The following ARHGEF10L variants were observed in gnomAD, a reference collection of about 807,000 sequenced individuals.
The protein encoded by ARHGEF10L is Rho guanine nucleotide exchange factor 10 like, also known as rho guanine nucleotide exchange factor 10-like protein.
A neutral mutation model predicts 141.2 loss-of-function variants in ARHGEF10L; 69 were observed. That is an observed-to-expected ratio of 0.49 (90% CI 0.40 to 0.60). The LOEUF (loss-of-function observed/expected upper bound fraction) is 0.60. Ranked by LOEUF, ARHGEF10L falls within the 20% of genes least tolerant of loss-of-function variation. ARHGEF10L has a pLI of 0.00. For synonymous variants in ARHGEF10L, 711 were observed against 718.5 expected (o/e 0.99, Z 0.17); for missense variants, 1,482 against 1,734.3 (o/e 0.85, Z 2.58).
chr1:17,588,326 C>T (rs1279610393), intron 3 of ARHGEF10L, 120 bp from the exon 4 acceptor site: 26 of 1,104,544 alleles, frequency 2.4e-5, no homozygotes, highest in Non-Finnish European at 3.1e-5. Flanking sequence ...AGCAGGCACC[C>T]AGACTGGCCA....
chr1:17,556,289 A>T (rs1024847936), intron 1 of ARHGEF10L, among the ~76,000 whole-genome samples: 1 of 16,148 alleles, frequency 6.2e-5, no homozygotes, highest in Admixed American at 8.6e-4. Context: ...GGGGCCTGGG[A>T]GCACAGGGCG....
At chr1:17,596,549 C>T (rs936171910) in intron 4 of ARHGEF10L, among the ~76,000 whole-genome samples, 20 of 152,194 alleles carry the variant, frequency 1.3e-4, no homozygotes, top group African/African-American at 4.6e-4. Flanking sequence ...TGGCAAGGGC[C>T]CCAGAATGCT....
chr1:17,674,993 C>T (rs74361419), intron 26 of ARHGEF10L, among the ~76,000 whole-genome samples: 282 of 152,224 alleles, frequency 1.9e-3, no homozygotes, highest in Non-Finnish European at 3.4e-3. Context: ...TTATTCCTGT[C>T]GTTAAGCAAC....
chr1:17,638,851 C>G (rs558478062), intron 20 of ARHGEF10L, among the ~76,000 whole-genome samples, 162 bp downstream of exon 20: 1 of 152,142 alleles, frequency 6.6e-6, no homozygotes, highest in Non-Finnish European at 1.5e-5. Context: ...GCATCTGGCA[C>G]GCAGTAGGTG....
In ARHGEF10L at chr1:17,610,461, C is replaced by G. The variant is rs148632576; in HGVS notation, c.609+2484C>G. 3.9e-3 allele frequency among the ~76,000 whole-genome samples: 590 copies of G among 152,344 alleles called. 4 individuals are homozygous for G. Among genetic ancestry groups the G allele is most frequent in the African/African-American group, 0.014 (572 of 41,580 alleles). On this transcript the variant is annotated intron_variant, in intron 7 of 28. Coordinates refer to ENST00000361221, the MANE Select transcript of ARHGEF10L (RefSeq NM_018125.4). ...ATTTCTAACCACTTGGAGTTTTTCT[C>G]TGGCCGTGGCCAAGGCCCACCTGCT...
At position 17,639,840 on chromosome 1, in the gene ARHGEF10L, G is replaced by A; in HGVS notation, c.2172-362G>A. ...CCCATTCCTCCCTCTAGAGGCACGT[G>A]GTCAGACATGTAAGGTGTCTAAGAC... is the stretch of plus-strand genomic sequence containing the variant. On this transcript the variant is annotated intron_variant, in intron 20 of 28. Transcript: ENST00000361221. This position sits in a 1 kb window ranked among gnomAD's most constrained non-coding sequence, Gnocchi z 4.3. 3 of 1,350,472 alleles carry A rather than the reference G, an allele frequency of 2.2e-6. No individual in the cohort carries two copies. Among genetic ancestry groups the A allele is most frequent in the Non-Finnish European group, 1.9e-6 (2 of 1,028,968 alleles). 83.7% of individuals were successfully genotyped at this position (1,350,472 alleles called of 1,614,324 possible).
At chr1:17,569,177 A>G (rs1473459063) in intron 1 of ARHGEF10L, among the ~76,000 whole-genome samples, 1 of 152,160 alleles carries the variant, frequency 6.6e-6, no homozygotes, top group African/African-American at 2.4e-5. Flanking sequence ...CTGCCCCTGG[A>G]GGAACTGGTG....
At chr1:17,518,818 A>G in the ARHGEF10L span, among the ~76,000 whole-genome samples, 112 of 117,536 alleles carry the variant, frequency 9.5e-4, no homozygotes, top group East Asian at 0.012. Context: ...AAAAAAAAAA[A>G]AAAAAAAGAA....
At chr1:17,566,542 G>A (rs974120990) in intron 1 of ARHGEF10L, among the ~76,000 whole-genome samples, 3 of 152,244 alleles carry the variant, frequency 2.0e-5, no homozygotes, top group African/African-American at 7.2e-5. Context: ...GCCCTTGGAG[G>A]CTGTGCACCT....
In ARHGEF10L at chr1:17,656,970, C is replaced by T. The variant is rs547484725; in HGVS notation, c.2860+262C>T. Among the ~76,000 whole-genome samples the T allele has an allele frequency of 6.6e-6, 1 of 152,266 alleles. No individual in the cohort carries two copies. The highest frequency in any genetic ancestry group is 2.4e-5 in the African/African-American group (1 of 41,558). ...GACTGTAGTGGATAAGAGAGGTACT[C>T]GCAGGTTGGAGAGACCTGGCTTCCC... On this transcript the variant is annotated intron_variant, in intron 25 of 28. Coordinates refer to ENST00000361221, the MANE Select transcript of ARHGEF10L (RefSeq NM_018125.4). This position sits in a 1 kb window ranked among gnomAD's most constrained non-coding sequence, Gnocchi z 4.9.
At chr1:17,614,286 C>T (rs919613690) in intron 8 of ARHGEF10L, among the ~76,000 whole-genome samples, 5 of 152,310 alleles carry the variant, frequency 3.3e-5, no homozygotes, top group South Asian at 2.1e-4. Context: ...AGGGTAGGGG[C>T]GGGGCTAACC....
At position 17,644,004 on chromosome 1, in the gene ARHGEF10L, G is replaced by A. The variant is rs182617157; in HGVS notation, c.2272+3702G>A. ...TCATTTCCCTCCTGTACCCTCCCCCGCCACCACCTGCTCTGCTCACAAAGC... is the reference window on the plus strand; with the variant it reads ...TCATTTCCCTCCTGTACCCTCCCCCACCACCACCTGCTCTGCTCACAAAGC... On this transcript the variant is annotated intron_variant, in intron 21 of 28. Transcript: ENST00000361221. The surrounding 1 kb of genome is among the most constrained non-coding windows in gnomAD (Gnocchi z 4.5). 1.3e-3 allele frequency among the ~76,000 whole-genome samples: 202 copies of A among 152,114 alleles called. No homozygotes were observed. Among genetic ancestry groups the A allele is most frequent in the Non-Finnish European group, 1.8e-3 (120 of 67,988 alleles).
At chr1:17,566,859 AG>A (rs1268231315) in intron 1 of ARHGEF10L, among the ~76,000 whole-genome samples, 1 of 152,136 alleles carries the variant, frequency 6.6e-6, no homozygotes, top group Non-Finnish European at 1.5e-5. Flanking sequence ...TGAATGAGCA[AG>A]GGGGGGTTGT....
intron 1 of ARHGEF10L, among the ~76,000 whole-genome samples, chr1:17,541,792 AC>A (rs1557684166): frequency 1.3e-5 from 2 of 151,418 alleles, no homozygotes; most frequent in Admixed American, 1.3e-4. Context: ...ACATGGTGAA[AC>A]CCCATCTCTA....
chr1:17,552,244 C>T (rs2077139628), intron 1 of ARHGEF10L, among the ~76,000 whole-genome samples: 1 of 152,158 alleles, frequency 6.6e-6, no homozygotes, highest in African/African-American at 2.4e-5. Flanking sequence ...GTGCTATGAG[C>T]TCTGTCACTT....
intron 7 of ARHGEF10L, among the ~76,000 whole-genome samples, chr1:17,609,282 G>A (rs1214927879): frequency 6.6e-6 from 1 of 152,218 alleles, no homozygotes; most frequent in Non-Finnish European, 1.5e-5. Flanking sequence ...CTCAGACCAA[G>A]ATGGGCTCCC....
At chr1:17,550,381 G>A (rs1168948161) in intron 1 of ARHGEF10L, among the ~76,000 whole-genome samples, 1 of 152,114 alleles carries the variant, frequency 6.6e-6, no homozygotes, top group Non-Finnish European at 1.5e-5. Context: ...AGTGGCTCAC[G>A]CCTGTAATCC....
At chr1:17,609,715 A>G (rs1343326425) in intron 7 of ARHGEF10L, among the ~76,000 whole-genome samples, 1 of 152,170 alleles carries the variant, frequency 6.6e-6, no homozygotes, top group Non-Finnish European at 1.5e-5. Flanking sequence ...GAGACCAATC[A>G]GAGACGCCTC....
intron 7 of ARHGEF10L, among the ~76,000 whole-genome samples, chr1:17,610,073 T>C (rs2059465261): frequency 6.6e-6 from 1 of 152,168 alleles, no homozygotes; most frequent in Non-Finnish European, 1.5e-5. Context: ...GAGGAAACCA[T>C]GCGTGTCTCT....
Sources: gnomAD v4.1 joint callset for allele counts (sites outside exome capture counted in the v4.1 genomes callset) on GRCh38, gnomAD v4.1.1 for gene constraint, Gnocchi (gnomAD v3.1) non-coding constraint, MANE v1.5 for transcripts, NCBI Gene and HGNC (gene_info 2026-07-23, HGNC 2026-07-21) for gene names.